The following AUTS2 variants were observed in gnomAD, a reference collection of about 807,000 sequenced individuals.
AUTS2 encodes the protein activator of transcription and developmental regulator AUTS2.
In AUTS2, 17 loss-of-function variants were observed where a neutral mutation model predicts 112.4. That is an observed-to-expected ratio of 0.15 (90% CI 0.10 to 0.23). The LOEUF (loss-of-function observed/expected upper bound fraction) is 0.23, where lower values mean the gene tolerates loss of function less well. AUTS2 is among the 10% of genes least tolerant of loss of function. AUTS2 has a pLI of 1.00. For missense variants in AUTS2, 1,510 were observed against 1,701.6 expected (o/e 0.89, Z 1.98); for synonymous variants, 751 against 702.7 (o/e 1.07, Z -1.09).
chr7:70,642,246 A>C (rs1341332330), intron 5 of AUTS2, among the ~76,000 whole-genome samples: 1 of 152,196 alleles, frequency 6.6e-6, no homozygotes, highest in East Asian at 1.9e-4. Context: ...TTGGACACTC[A>C]AGTATCTTCT....
rs568797323 is a variant in AUTS2 at position 70,793,485 on chromosome 7, A to G, written c.*2489A>G. On this transcript the variant is annotated 3_prime_UTR_variant, in exon 19 of 19. Transcript: ENST00000342771. ...GATGTTAAAAAAACAAAAAAATGTT[A>G]AATTTTCTTATACCGACCTGATGAA... 1 of 152,338 alleles carries G rather than the reference A, an allele frequency of 6.6e-6. No homozygotes were observed. The highest frequency in any genetic ancestry group is 2.1e-4 in the South Asian group (1 of 4,832). 9.4% of individuals were successfully genotyped at this position (152,338 alleles called of 1,614,324 possible).
At chr7:69,773,592 C>CA (rs913996443) in intron 1 of AUTS2, among the ~76,000 whole-genome samples, 25 of 152,204 alleles carry the variant, frequency 1.6e-4, no homozygotes, top group African/African-American at 5.8e-4. Flanking sequence ...GGAAAAACCA[C>CA]ACCCCATATC....
intron 1 of AUTS2, among the ~76,000 whole-genome samples, chr7:69,893,206 T>C (rs776526960): frequency 3.9e-5 from 6 of 152,368 alleles, no homozygotes; most frequent in Non-Finnish European, 8.8e-5. Context: ...CCATCCTGGA[T>C]GCCTTGTACA....
intron 5 of AUTS2, among the ~76,000 whole-genome samples, chr7:70,511,452 G>T (rs895190058): frequency 6.7e-6 from 1 of 150,130 alleles, no homozygotes; most frequent in Non-Finnish European, 1.5e-5. Context: ...CCTAAATCTA[G>T]GTAATCACAC....
At chr7:69,809,250 A>ATT (rs899737367) in intron 1 of AUTS2, among the ~76,000 whole-genome samples, 2 of 149,846 alleles carry the variant, frequency 1.3e-5, no homozygotes, top group African/African-American at 4.9e-5. Context: ...AATTTTTTGT[A>ATT]TTTTTTTTTG....
chr7:70,499,430 C>T (rs184792225), intron 5 of AUTS2, among the ~76,000 whole-genome samples: 218 of 152,258 alleles, frequency 1.4e-3, no homozygotes, highest in African/African-American at 5.0e-3. Flanking sequence ...CCAGGATGGC[C>T]GGGGAACTGG....
At chr7:70,118,910 T>A (rs1302779290) in intron 3 of AUTS2, 1 of 152,268 alleles carries the variant, frequency 6.6e-6, no homozygotes, top group Non-Finnish European at 1.5e-5. Flanking sequence ...ACAGGGCAGG[T>A]TCCCCCTCTA....
intron 2 of AUTS2, among the ~76,000 whole-genome samples, chr7:69,931,822 T>TG (rs1179174704): frequency 1.3e-5 from 2 of 152,228 alleles, no homozygotes; most frequent in African/African-American, 4.8e-5. Flanking sequence ...CTCTTCAAGA[T>TG]AAAAGACTAC....
intron 2 of AUTS2, among the ~76,000 whole-genome samples, chr7:69,999,400 C>A (rs1221934486): frequency 6.6e-6 from 1 of 152,048 alleles, no homozygotes; most frequent in Non-Finnish European, 1.5e-5. Flanking sequence ...ATAATTTTCC[C>A]CCTACTTTTT....
chr7:70,082,778 T>C (rs1235377050), intron 2 of AUTS2, among the ~76,000 whole-genome samples: 1 of 152,226 alleles, frequency 6.6e-6, no homozygotes, highest in Non-Finnish European at 1.5e-5. Context: ...CCTTCTTGCC[T>C]CCTATTCAGC....
In AUTS2 at chr7:69,814,703, A is replaced by T. The variant is rs555781366; in HGVS notation, c.310-84583A>T. On this transcript the variant is annotated intron_variant, in intron 1 of 18. Transcript: ENST00000342771. Reference sequence around the variant, plus strand: ...ACTTGGGGGCTGAATTGGCACTTGGAAAAATCTGCAGGAACTTTGTGTGTG... The same window carrying T: ...ACTTGGGGGCTGAATTGGCACTTGGTAAAATCTGCAGGAACTTTGTGTGTG... 5.3e-5 allele frequency among the ~76,000 whole-genome samples: 8 copies of T among 152,348 alleles called. No homozygotes were observed. In the South Asian group the frequency reaches 1.7e-3, roughly 32 times the overall value.
chr7:70,192,232 T>C (rs1809938188), intron 4 of AUTS2, among the ~76,000 whole-genome samples: 1 of 152,156 alleles, frequency 6.6e-6, no homozygotes, highest in Non-Finnish European at 1.5e-5. Context: ...TGTACCTTCC[T>C]TTCCTTCCCT....
At chr7:70,210,759 TGTG>T (rs1810837045) in intron 4 of AUTS2, among the ~76,000 whole-genome samples, 2 of 152,226 alleles carry the variant, frequency 1.3e-5, no homozygotes, top group African/African-American at 4.8e-5. Flanking sequence ...ATTACACACA[TGTG>T]GTAACATTTT....
At chr7:69,906,879 G>A (rs1795169374) in intron 2 of AUTS2, among the ~76,000 whole-genome samples, 4 of 152,138 alleles carry the variant, frequency 2.6e-5, no homozygotes, top group Admixed American at 2.6e-4. Flanking sequence ...GGCTAAGGTG[G>A]GAGGATTGCT....
At chr7:70,277,920 G>A (rs1264950172) in intron 4 of AUTS2, among the ~76,000 whole-genome samples, 1 of 140,742 alleles carries the variant, frequency 7.1e-6, no homozygotes, top group Non-Finnish European at 1.5e-5. Context: ...CATTTGCCTT[G>A]TGTATTTGTG....
At chr7:69,616,642 C>T (rs987321764) in intron 1 of AUTS2, among the ~76,000 whole-genome samples, 5 of 152,150 alleles carry the variant, frequency 3.3e-5, no homozygotes, top group Non-Finnish European at 7.3e-5. Flanking sequence ...TAAGTGAAAT[C>T]GCAGAATGGA....
intron 2 of AUTS2, among the ~76,000 whole-genome samples, chr7:70,053,882 A>G (rs891838390): frequency 2.0e-5 from 3 of 152,286 alleles, no homozygotes; most frequent in African/African-American, 4.8e-5. Flanking sequence ...AGCTGAAATC[A>G]GAAGCCAAAA....
At chr7:70,267,554 G>A (rs1027988518) in intron 4 of AUTS2, among the ~76,000 whole-genome samples, 2 of 152,142 alleles carry the variant, frequency 1.3e-5, no homozygotes, top group African/African-American at 4.8e-5. Context: ...GCTGAGAGGG[G>A]GACAGAGGCA....
Position 70,054,030 on chromosome 7 carries a change from A to G in AUTS2, c.523-64102A>G, listed in dbSNP as rs560363302. 3.2e-4 allele frequency among the ~76,000 whole-genome samples: 48 copies of G among 152,356 alleles called. No homozygotes were observed. In the South Asian group the frequency reaches 9.3e-3, roughly 30 times the overall value. On this transcript the variant is annotated intron_variant, in intron 2 of 18. Transcript: ENST00000342771. ...AAAACCAAAAGAAAAACCTTTTTCC[A>G]CTTGGCACTGTCCAATAGAGCTTTC...
Sources: allele counts gnomAD v4.1 joint callset (sites outside exome capture counted in the v4.1 genomes callset), GRCh38; gene constraint gnomAD v4.1.1; transcripts MANE v1.5; gene names NCBI Gene and HGNC (gene_info 2026-07-23, HGNC 2026-07-21).